Variants in POU6F2 observed in about 807,000 individuals in gnomAD.
POU6F2 encodes POU domain, class 6, transcription factor 2.
A neutral mutation model predicts 71.3 loss-of-function variants in POU6F2; 31 were observed. The observed-to-expected ratio is 0.43, with a 90% CI of 0.33 to 0.59. The LOEUF (loss-of-function observed/expected upper bound fraction) is 0.59, where lower values mean the gene tolerates loss of function less well. POU6F2 is among the 20% of genes least tolerant of loss of function. The probability of loss-of-function intolerance (pLI) is 0.04; values close to 1 mark genes in which losing one functional copy is unlikely to be tolerated. For synonymous variants in POU6F2, 347 were observed against 355.7 expected, an observed-to-expected ratio of 0.98 and a Z score of 0.27; for missense variants, 783 against 856.8, an observed-to-expected ratio of 0.91 and a Z score of 1.07.
At chr7:39,246,021 A>G (rs4629763) in intron 4 of POU6F2, among the ~76,000 whole-genome samples, 101,985 of 152,114 alleles carry the variant, frequency 0.67, 34,549 homozygotes, top group East Asian at 0.97. Context: ...GGAGCCATAT[A>G]TCAGGAAGTC....
chr7:39,369,472 C>T (rs943513329), intron 5 of POU6F2, among the ~76,000 whole-genome samples: 7 of 151,584 alleles, frequency 4.6e-5, no homozygotes, highest in South Asian at 2.1e-4. Context: ...GGAATTCTCC[C>T]GCCTCAGCCT....
chr7:39,390,003 C>T (rs2115829536), intron 5 of POU6F2, among the ~76,000 whole-genome samples: 1 of 152,256 alleles, frequency 6.6e-6, no homozygotes, highest in Non-Finnish European at 1.5e-5. Context: ...CATTCCATTC[C>T]ATTCAGACCT....
intron 7 of POU6F2, among the ~76,000 whole-genome samples, chr7:39,434,125 G>C (rs1006874915): frequency 6.6e-6 from 1 of 152,102 alleles, no homozygotes; most frequent in African/African-American, 2.4e-5. Context: ...CAGAGATAAT[G>C]GCTTGGGAAT....
chr7:39,448,649 T>G (rs1155269), intron 7 of POU6F2, among the ~76,000 whole-genome samples: 48,148 of 152,014 alleles, frequency 0.32, 8,289 homozygotes, highest in East Asian at 0.58. Flanking sequence ...ATTTAAGCAA[T>G]ATTGCAGTCT....
chr7:39,140,649 T>G (rs898855025), intron 2 of POU6F2, among the ~76,000 whole-genome samples: 1 of 152,184 alleles, frequency 6.6e-6, no homozygotes, highest in Non-Finnish European at 1.5e-5. Context: ...ACCTAGATAA[T>G]CCAGGATAAT....
At chr7:39,259,532 C>G (rs1267450795) in intron 4 of POU6F2, among the ~76,000 whole-genome samples, 1 of 152,098 alleles carries the variant, frequency 6.6e-6, no homozygotes, top group Admixed American at 6.5e-5. Context: ...GCCCTGAGCT[C>G]CAGGAGCCAC....
rs571231167 is a variant in POU6F2 at position 39,212,652 on chromosome 7, C to G, written c.598+5032C>G. 9.9e-5 allele frequency among the ~76,000 whole-genome samples: 15 copies of G among 152,272 alleles called. No individual in the cohort carries two copies. In the South Asian group the frequency reaches 1.9e-3, roughly 19 times the overall value. On this transcript the variant is annotated intron_variant, in intron 4 of 9. Coordinates refer to ENST00000518318, the MANE Select transcript of POU6F2 (RefSeq NM_001370959.1). The stretch of plus-strand genomic sequence containing the variant: ...GGCCTCTGATGACTGTAAGCAAGCA[C>G]ACACCTGTGAAATAAGACGAATAAT...
chr7:39,243,513 T>G (rs1473550242), intron 4 of POU6F2, among the ~76,000 whole-genome samples: 1 of 152,040 alleles, frequency 6.6e-6, no homozygotes, highest in Non-Finnish European at 1.5e-5. Context: ...TTGAAACCAC[T>G]TCTGCAGAGC....
intron 6 of POU6F2, among the ~76,000 whole-genome samples, chr7:39,421,818 A>G (rs1787856947): frequency 6.6e-6 from 1 of 152,196 alleles, no homozygotes; most frequent in Non-Finnish European, 1.5e-5. Context: ...GCTTCTAAGG[A>G]CCAAAGCTGA....
At chr7:39,150,587 C>T (rs1032176703) in intron 2 of POU6F2, among the ~76,000 whole-genome samples, 7 of 151,352 alleles carry the variant, frequency 4.6e-5, no homozygotes, top group African/African-American at 1.2e-4. Context: ...CTGCCTCAGC[C>T]TCCTGAGTAG....
chr7:39,195,923 TTCTCTC>T (rs899228017), intron 2 of POU6F2, among the ~76,000 whole-genome samples: 2 of 151,926 alleles, frequency 1.3e-5, no homozygotes, highest in East Asian at 1.9e-4. Context: ...CAAAACGCTC[TTCTCTC>T]TCTCTCTCCT....
At chr7:39,084,028 C>T (rs762646364) in intron 1 of POU6F2, among the ~76,000 whole-genome samples, 10 of 152,270 alleles carry the variant, frequency 6.6e-5, no homozygotes, top group Admixed American at 2.6e-4. Flanking sequence ...GAAATGTCAG[C>T]ATTATGAAAG....
At chr7:39,389,944 T>C (rs1405611860) in intron 5 of POU6F2, among the ~76,000 whole-genome samples, 1 of 152,170 alleles carries the variant, frequency 6.6e-6, no homozygotes, top group African/African-American at 2.4e-5. Context: ...CTTTATAGTT[T>C]TTCCCTCTTA....
chr7:39,028,033 A>G (rs1446759007), intron 1 of POU6F2, among the ~76,000 whole-genome samples: 1 of 152,128 alleles, frequency 6.6e-6, no homozygotes, highest in African/African-American at 2.4e-5. Flanking sequence ...TTTTTCCAAA[A>G]CTAAGTAATG....
intron 4 of POU6F2, among the ~76,000 whole-genome samples, chr7:39,281,925 G>A (rs1784570738): frequency 6.6e-6 from 1 of 152,148 alleles, no homozygotes; most frequent in Non-Finnish European, 1.5e-5. Flanking sequence ...CACCAACAGT[G>A]TATAAGAGTT....
At chr7:39,439,511 C>T (rs1272767897) in intron 7 of POU6F2, among the ~76,000 whole-genome samples, 3 of 152,222 alleles carry the variant, frequency 2.0e-5, no homozygotes, top group East Asian at 1.9e-4. Context: ...TTTCTTGAAA[C>T]AGATTTTCGC....
At chr7:39,274,563 A>G (rs1485510569) in intron 4 of POU6F2, among the ~76,000 whole-genome samples, 1 of 134,674 alleles carries the variant, frequency 7.4e-6, no homozygotes, top group Non-Finnish European at 1.6e-5. Flanking sequence ...GGCCAGCATC[A>G]TCCTGATACC....
intron 1 of POU6F2, among the ~76,000 whole-genome samples, chr7:39,068,490 C>CATATATATAT (rs3057275): frequency 6.8e-5 from 10 of 146,718 alleles, no homozygotes; most frequent in Admixed American, 4.8e-4. Flanking sequence ...CTAGTACATG[C>CATATATATAT]ATATATATAT....
At chr7:39,033,075 G>C (rs1174877692) in intron 1 of POU6F2, among the ~76,000 whole-genome samples, 3 of 152,162 alleles carry the variant, frequency 2.0e-5, no homozygotes, top group African/African-American at 7.2e-5. Flanking sequence ...GGAGCAAAAA[G>C]AAACTTTCCT....
Sources: allele counts gnomAD v4.1 joint callset (sites outside exome capture counted in the v4.1 genomes callset), GRCh38; gene constraint gnomAD v4.1.1; transcripts MANE v1.5; gene names NCBI Gene and HGNC (gene_info 2026-07-23, HGNC 2026-07-21).